The following TRIO variants were observed in gnomAD, a reference collection of about 807,000 sequenced individuals.
The protein encoded by TRIO is triple functional domain protein.
TRIO carries 58 observed loss-of-function variants against 351.9 expected under a neutral mutation model. The observed-to-expected ratio is 0.16, with a 90% CI of 0.13 to 0.21. The LOEUF (loss-of-function observed/expected upper bound fraction) is 0.21. Among genes scored for constraint, TRIO ranks in the 10% least tolerant of loss-of-function variants. TRIO has a pLI of 1.00. For synonymous variants in TRIO, 1,758 were observed against 1,595.7 expected, an observed-to-expected ratio of 1.10 and a Z score of -2.42; for missense variants, 3,201 against 4,027.8, an observed-to-expected ratio of 0.79 and a Z score of 5.56.
intron 8 of TRIO, among the ~76,000 whole-genome samples, chr5:14,309,211 C>A (rs1337928814): frequency 1.3e-5 from 2 of 152,218 alleles, no homozygotes; most frequent in Non-Finnish European, 2.9e-5. Context: ...AGGGTTCTTT[C>A]CATCCTTTCC....
At chr5:14,274,804 T>A (rs1735356470) in intron 2 of TRIO, among the ~76,000 whole-genome samples, 1 of 152,216 alleles carries the variant, frequency 6.6e-6, no homozygotes, top group African/African-American at 2.4e-5. Flanking sequence ...TTCTCTCTTA[T>A]GAAGTTAAAA....
At chr5:14,233,857 T>C (rs778089558) in intron 1 of TRIO, among the ~76,000 whole-genome samples, 3 of 152,120 alleles carry the variant, frequency 2.0e-5, no homozygotes, top group Non-Finnish European at 4.4e-5. Context: ...GTAGCACAAT[T>C]AGAGCTCACT....
intron 1 of TRIO, among the ~76,000 whole-genome samples, chr5:14,144,945 G>A (rs995296868): frequency 6.6e-6 from 1 of 152,028 alleles, no homozygotes; most frequent in Admixed American, 6.5e-5. Flanking sequence ...GGCACCCAGA[G>A]CGCAGTCCTT....
At chr5:14,439,822 A>T (rs933826566) in intron 34 of TRIO, among the ~76,000 whole-genome samples, 1 of 151,664 alleles carries the variant, frequency 6.6e-6, no homozygotes, top group African/African-American at 2.4e-5. Context: ...TAAATGCCAG[A>T]CTCCCCTCTG....
chr5:14,440,061 T>TA (rs973432374), intron 34 of TRIO, among the ~76,000 whole-genome samples: 6 of 151,652 alleles, frequency 4.0e-5, no homozygotes, highest in South Asian at 2.1e-4. Flanking sequence ...ACTGAGGAAG[T>TA]AAAAAAAGGC....
At chr5:14,385,696 T>C (rs1342669042) in intron 21 of TRIO, among the ~76,000 whole-genome samples, 1 of 152,234 alleles carries the variant, frequency 6.6e-6, no homozygotes, top group Non-Finnish European at 1.5e-5. Context: ...CTTTGGAATT[T>C]TGAATCCTGT....
At chr5:14,153,557 G>A (rs1238357793) in intron 1 of TRIO, among the ~76,000 whole-genome samples, 2 of 152,154 alleles carry the variant, frequency 1.3e-5, no homozygotes, top group African/African-American at 2.4e-5. Flanking sequence ...GCCAGGCACT[G>A]TGCAGAGTGT....
rs376852841 is a variant in TRIO at position 14,359,552 on chromosome 5, G to A, written c.2391+21G>A. On this transcript the variant is annotated intron_variant, in intron 13 of 56. Coordinates refer to ENST00000344204, the MANE Select transcript of TRIO (RefSeq NM_007118.4). ...TCGACGTGAGTGTCCCGCGGCTGGC[G>A]CCTGCCTGCCTGTGGGAGCCCTTGG... 27 of 1,607,824 alleles carry A rather than the reference G, an allele frequency of 1.7e-5. No homozygotes were observed. In the African/African-American group the frequency reaches 1.7e-4, roughly 10 times the overall value.
At chr5:14,449,918 AAAAG>A (rs1254417691) in intron 34 of TRIO, among the ~76,000 whole-genome samples, 79 of 152,372 alleles carry the variant, frequency 5.2e-4, no homozygotes, top group African/African-American at 1.8e-3. Flanking sequence ...GGTGAAAATA[AAAAG>A]AAAGACCTTT....
intron 29 of TRIO, among the ~76,000 whole-genome samples, chr5:14,398,538 G>A (rs1009800454): frequency 1.3e-5 from 2 of 152,152 alleles, no homozygotes; most frequent in Admixed American, 1.3e-4. Flanking sequence ...AGGAGCTTTC[G>A]GTGGTGGGAT....
chr5:14,354,626 T>C (rs1217986933), intron 11 of TRIO, among the ~76,000 whole-genome samples: 2 of 152,258 alleles, frequency 1.3e-5, no homozygotes, highest in Non-Finnish European at 2.9e-5. Flanking sequence ...TCAGCTGTTT[T>C]CTGAGGACCT....
intron 1 of TRIO, among the ~76,000 whole-genome samples, chr5:14,230,169 G>A (rs1254158857): frequency 2.6e-5 from 4 of 152,180 alleles, no homozygotes; most frequent in Non-Finnish European, 5.9e-5. Context: ...ACAGTTTTTG[G>A]TACACTTCCA....
At chr5:14,403,233 A>T (rs1415052096) in intron 31 of TRIO, among the ~76,000 whole-genome samples, 1 of 87,726 alleles carries the variant, frequency 1.1e-5, no homozygotes, top group South Asian at 4.4e-4. Context: ...GTGAGGGTGT[A>T]GGTTGTGGTG....
At chr5:14,226,831 G>C (rs1793069582) in intron 1 of TRIO, among the ~76,000 whole-genome samples, 1 of 152,268 alleles carries the variant, frequency 6.6e-6, no homozygotes, top group Non-Finnish European at 1.5e-5. Context: ...GAGGGCACAA[G>C]TGGCCGATGG....
intron 33 of TRIO, among the ~76,000 whole-genome samples, chr5:14,417,736 G>A (rs1749762547): frequency 6.6e-6 from 1 of 152,272 alleles, no homozygotes; most frequent in African/African-American, 2.4e-5. Flanking sequence ...AGCACAGGCA[G>A]AGTGAGCTCC....
chr5:14,374,166 G>A, intron 18 of TRIO, 63 bp from the exon 19 acceptor site: 1 of 1,251,864 alleles, frequency 8.0e-7, no homozygotes, highest in South Asian at 1.3e-5. Context: ...GCAGTGATGT[G>A]TACTCCAAAT....
intron 9 of TRIO, among the ~76,000 whole-genome samples, chr5:14,319,726 C>T (rs1297463646): frequency 1.3e-5 from 2 of 152,036 alleles, no homozygotes; most frequent in Non-Finnish European, 2.9e-5. Flanking sequence ...GAAAGTAACC[C>T]CAGAGGAGTA....
chr5:14,484,620 C>G (rs563001640), intron 46 of TRIO, among the ~76,000 whole-genome samples: 2 of 152,318 alleles, frequency 1.3e-5, no homozygotes, highest in South Asian at 4.1e-4. Flanking sequence ...GTAAAATACA[C>G]ATAACATAAA....
intron 11 of TRIO, among the ~76,000 whole-genome samples, chr5:14,344,017 T>G (rs1428092511): frequency 6.6e-6 from 1 of 152,248 alleles, no homozygotes; most frequent in African/African-American, 2.4e-5. Flanking sequence ...TGATCGAGCC[T>G]CAGTAATTTT....
Sources: allele counts gnomAD v4.1 joint callset (sites outside exome capture counted in the v4.1 genomes callset), GRCh38; gene constraint gnomAD v4.1.1; transcripts MANE v1.5; gene names NCBI Gene and HGNC (gene_info 2026-07-23, HGNC 2026-07-21).